DLGAP1: variants seen among roughly 807,000 people sequenced by gnomAD.
DLGAP1 encodes the protein disks large-associated protein 1.
In DLGAP1, 11 loss-of-function variants were observed where a neutral mutation model predicts 90.8. That is an observed-to-expected ratio of 0.12 (90% CI 0.08 to 0.20). The LOEUF (loss-of-function observed/expected upper bound fraction) is 0.20, where lower values mean the gene tolerates loss of function less well. Among genes scored for constraint, DLGAP1 ranks in the 10% least tolerant of loss-of-function variants. The pLI, the probability that DLGAP1 is intolerant of heterozygous loss-of-function variation, is 1.00. For synonymous variants in DLGAP1, 558 were observed against 540.7 expected, an observed-to-expected ratio of 1.03 and a Z score of -0.44; for missense variants, 1,050 against 1,333.8, an observed-to-expected ratio of 0.79 and a Z score of 3.31.
intron 9 of DLGAP1, among the ~76,000 whole-genome samples, chr18:3,541,819 C>T (rs930853639): frequency 1.8e-4 from 27 of 151,992 alleles, no homozygotes; most frequent in African/African-American, 6.5e-4. Flanking sequence ...AGGCTGTGAG[C>T]TTTGATGTGT....
intron 4 of DLGAP1, among the ~76,000 whole-genome samples, chr18:3,867,971 C>T (rs564258381): frequency 3.7e-4 from 57 of 152,240 alleles, no homozygotes; most frequent in African/African-American, 1.3e-3. Context: ...CGATAATTTT[C>T]GGCCTGTGGA....
chr18:3,799,211 G>T lies in DLGAP1; in HGVS notation c.1172+14848C>A, dbSNP rs191651254. 3.9e-5 allele frequency among the ~76,000 whole-genome samples: 6 copies of T among 152,266 alleles called. No individual in the cohort carries two copies. In the East Asian group the frequency reaches 1.2e-3, roughly 29 times the overall value. The stretch of plus-strand genomic sequence containing the variant: ...AATGAAAAAGAAAAAGCCACAACCA[G>T]AGAAGTCACTCACATAAGGCTGCAA... On this transcript the variant is annotated intron_variant, in intron 5 of 12. Transcript: ENST00000315677.
intron 3 of DLGAP1, among the ~76,000 whole-genome samples, chr18:3,980,487 G>A (rs1003042294): frequency 7.9e-5 from 12 of 152,212 alleles, no homozygotes; most frequent in Non-Finnish European, 1.5e-4. Flanking sequence ...TTTACCCATA[G>A]TAATTTTGTT....
chr18:4,141,639 TA>T (rs1201784148), intron 2 of DLGAP1, among the ~76,000 whole-genome samples: 4 of 152,038 alleles, frequency 2.6e-5, no homozygotes, highest in African/African-American at 9.7e-5. Flanking sequence ...TTTAGGTGTT[TA>T]AACATCACCT....
chr18:3,977,637 C>T lies in DLGAP1; in HGVS notation c.-73+27479G>A, dbSNP rs956785113. 1.7e-5 allele frequency: 4 copies of T among 237,192 alleles called. No individual in the cohort carries two copies. In the Admixed American group the frequency reaches 1.9e-4, roughly 11 times the overall value. 14.7% of individuals were successfully genotyped at this position (237,192 alleles called of 1,614,324 possible). A position where few individuals can be genotyped will look rare whatever the true frequency, so the allele number is the denominator to read the frequency against. On this transcript the variant is annotated intron_variant, in intron 3 of 12. Transcript: ENST00000315677. ...TGCTCTCGCTGGGGCTGGTGTCCAG[C>T]TAGCTGCTGCCTTTGGAGGCCATGT... is the stretch of plus-strand genomic sequence containing the variant.
intron 7 of DLGAP1, among the ~76,000 whole-genome samples, chr18:3,679,087 C>T (rs965595861): frequency 1.3e-5 from 2 of 152,164 alleles, no homozygotes; most frequent in South Asian, 4.1e-4. Context: ...CTGCCTTAGC[C>T]TCCCAAGTAG....
rs138648744 is a variant in DLGAP1 at position 3,522,079 on chromosome 18, T to C, written c.2479+12115A>G. On this transcript the variant is annotated intron_variant, in intron 10 of 12. Transcript: ENST00000315677. ...GTGTTTGTGGATGATGAATTATATT[T>C]CCTTATATTCAAGTTTTGCCTTTTT... Among the ~76,000 whole-genome samples the C allele has an allele frequency of 6.6e-3, 1,004 of 151,564 alleles. 11 individuals carry two copies. Among genetic ancestry groups the C allele is most frequent in the African/African-American group, 0.023 (967 of 41,366 alleles).
intron 5 of DLGAP1, among the ~76,000 whole-genome samples, chr18:3,801,031 A>G (rs4798132): frequency 0.54 from 81,376 of 151,966 alleles, 24,399 homozygotes; most frequent in Non-Finnish European, 0.68. Flanking sequence ...ATGGCTGAAG[A>G]TGACAGGGTG....
intron 7 of DLGAP1, among the ~76,000 whole-genome samples, chr18:3,687,322 A>G (rs900986669): frequency 5.3e-5 from 8 of 152,188 alleles, no homozygotes; most frequent in Non-Finnish European, 1.0e-4. Context: ...GTGCCCAGGT[A>G]GGAGGCTTTT....
At chr18:3,763,654 C>G (rs540415836) in intron 5 of DLGAP1, among the ~76,000 whole-genome samples, 1 of 151,944 alleles carries the variant, frequency 6.6e-6, no homozygotes, top group South Asian at 2.1e-4. Context: ...AAATGAAAGG[C>G]CTATCTTTTT....
intron 1 of DLGAP1, among the ~76,000 whole-genome samples, chr18:4,153,912 T>C (rs895180342): frequency 2.0e-5 from 3 of 152,176 alleles, no homozygotes; most frequent in Non-Finnish European, 2.9e-5. Flanking sequence ...ACTGTGAGAC[T>C]ATAGCTTTGT....
At chr18:3,946,523 T>C (rs1231202768) in intron 3 of DLGAP1, among the ~76,000 whole-genome samples, 1 of 152,354 alleles carries the variant, frequency 6.6e-6, no homozygotes, top group East Asian at 1.9e-4. Context: ...CAATTATTTG[T>C]ATGCTTTATT....
intron 1 of DLGAP1, among the ~76,000 whole-genome samples, chr18:4,409,156 T>C (rs1278100712): frequency 1.3e-5 from 2 of 152,038 alleles, no homozygotes; most frequent in South Asian, 2.1e-4. Flanking sequence ...ATAAAGAAAC[T>C]AGTTATTATA....
chr18:4,283,245 A>C, intron 1 of DLGAP1, among the ~76,000 whole-genome samples: 1 of 152,220 alleles, frequency 6.6e-6, no homozygotes, highest in Admixed American at 6.5e-5. Context: ...AAAAAGAAAC[A>C]TTGATGAGTT....
At chr18:4,008,358 T>C (rs1192286318) in intron 2 of DLGAP1, among the ~76,000 whole-genome samples, 1 of 152,206 alleles carries the variant, frequency 6.6e-6, no homozygotes, top group Admixed American at 6.5e-5. Flanking sequence ...CATCTAGTTA[T>C]ATTTTTTCAG....
intron 5 of DLGAP1, among the ~76,000 whole-genome samples, chr18:3,803,850 T>G (rs979827171): frequency 1.3e-5 from 2 of 151,764 alleles, no homozygotes; most frequent in African/African-American, 4.8e-5. Flanking sequence ...TAAAAACATT[T>G]GATGACTGTT....
At chr18:3,946,887 G>A (rs1046089803) in intron 3 of DLGAP1, among the ~76,000 whole-genome samples, 3 of 152,106 alleles carry the variant, frequency 2.0e-5, no homozygotes, top group Non-Finnish European at 2.9e-5. Flanking sequence ...AAACCTTGAC[G>A]TGATGCTTTT....
chr18:4,167,401 C>T (rs1427204690), intron 1 of DLGAP1, among the ~76,000 whole-genome samples: 1 of 152,036 alleles, frequency 6.6e-6, no homozygotes, highest in Non-Finnish European at 1.5e-5. Context: ...AGAGAAATTA[C>T]TAGAGAAAGA....
intron 3 of DLGAP1, among the ~76,000 whole-genome samples, chr18:3,883,652 G>T (rs540626453): frequency 5.3e-5 from 8 of 152,352 alleles, no homozygotes; most frequent in African/African-American, 1.4e-4. Context: ...TCCCAAAGTG[G>T]TTCATAGTGT....
Sources: gnomAD v4.1 joint callset for allele counts (sites outside exome capture counted in the v4.1 genomes callset) on GRCh38, gnomAD v4.1.1 for gene constraint, MANE v1.5 for transcripts, NCBI Gene and HGNC (gene_info 2026-07-23, HGNC 2026-07-21) for gene names.